NT5C2: variants seen among roughly 807,000 people sequenced by gnomAD.
The protein encoded by NT5C2 is cytosolic purine 5'-nucleotidase.
In NT5C2, 58 loss-of-function variants were observed where a neutral mutation model predicts 76.1. That is an observed-to-expected ratio of 0.76 (90% CI 0.62 to 0.95). The LOEUF (loss-of-function observed/expected upper bound fraction) is 0.95, where lower values mean the gene tolerates loss of function less well. Ranked by LOEUF, NT5C2 falls within the 40% of genes least tolerant of loss-of-function variation. NT5C2 has a pLI of 0.00. For synonymous variants in NT5C2, 229 were observed against 237.4 expected (o/e 0.96, Z 0.32); for missense variants, 478 against 690.3 (o/e 0.69, Z 3.45).
At chr10:103,142,769 G>A (rs981047965) in intron 3 of NT5C2, among the ~76,000 whole-genome samples, 1 of 152,150 alleles carries the variant, frequency 6.6e-6, no homozygotes, top group Non-Finnish European at 1.5e-5. Flanking sequence ...TGGATCACGA[G>A]GTCAGGAGTT....
chr10:103,193,054 G>C (rs1006484096), intron 1 of NT5C2, among the ~76,000 whole-genome samples, 182 bp downstream of exon 1: 14 of 151,248 alleles, frequency 9.3e-5, no homozygotes, highest in Non-Finnish European at 1.5e-4. Flanking sequence ...CGGCGTCCGC[G>C]AGCGCGCTGG....
intron 3 of NT5C2, among the ~76,000 whole-genome samples, chr10:103,156,859 C>T (rs966703731): frequency 4.0e-5 from 6 of 151,506 alleles, no homozygotes; most frequent in Admixed American, 4.0e-4. Context: ...AGATGGAGAC[C>T]ATCCTGGCTA....
chr10:103,163,710 T>TAAA (rs11440429), intron 3 of NT5C2, among the ~76,000 whole-genome samples: 37 of 143,390 alleles, frequency 2.6e-4, no homozygotes, highest in Admixed American at 1.2e-3. Flanking sequence ...ACTAAAAACT[T>TAAA]AAAAAAAAAA....
At chr10:103,144,079 C>A (rs1287700367) in intron 3 of NT5C2, among the ~76,000 whole-genome samples, 1 of 152,186 alleles carries the variant, frequency 6.6e-6, no homozygotes, top group Admixed American at 6.5e-5. Context: ...TTCCCAGTTA[C>A]ATAAATCCTT....
intron 3 of NT5C2, among the ~76,000 whole-genome samples, chr10:103,173,643 T>C (rs1157757969): frequency 6.6e-6 from 1 of 150,874 alleles, no homozygotes; most frequent in African/African-American, 2.4e-5. Flanking sequence ...AATTTCATTC[T>C]TGGCCGGGCG....
intron 3 of NT5C2, 146 bp downstream of exon 3, chr10:103,174,712 C>G: frequency 1.6e-6 from 1 of 608,464 alleles, no homozygotes; most frequent in Non-Finnish European, 3.0e-6. Flanking sequence ...AGTTAAAAGT[C>G]TCGACTTAGA....
intron 3 of NT5C2, among the ~76,000 whole-genome samples, chr10:103,159,489 G>T (rs1171873370): frequency 6.6e-6 from 1 of 151,524 alleles, no homozygotes; most frequent in Non-Finnish European, 1.5e-5. Context: ...CCACCAAAAA[G>T]AAAAAAATTT....
chr10:103,166,931 G>A (rs1181420554), intron 3 of NT5C2, among the ~76,000 whole-genome samples: 2 of 151,816 alleles, frequency 1.3e-5, no homozygotes, highest in Non-Finnish European at 2.9e-5. Flanking sequence ...AGTATTATAG[G>A]TGTAAGCCAC....
chr10:103,088,384 T>C lies in NT5C2; in HGVS notation c.*1288A>G, dbSNP rs2065954831. Reference sequence around the variant, plus strand: ...AACAAGAGGTGATTTCGACTTGGGATTGGGATTTTTATTTTTTGAGATGGA... The same window carrying C: ...AACAAGAGGTGATTTCGACTTGGGACTGGGATTTTTATTTTTTGAGATGGA... On this transcript the variant is annotated 3_prime_UTR_variant, in exon 19 of 19. Coordinates refer to ENST00000404739, the MANE Select transcript of NT5C2 (RefSeq NM_001351169.2). The C allele has an allele frequency of 1.3e-5, 2 of 152,158 alleles. No homozygotes were observed. The highest frequency in any genetic ancestry group is 2.4e-5 in the African/African-American group (1 of 41,436). 9.4% of individuals were successfully genotyped at this position (152,158 alleles called of 1,614,324 possible). A position where few individuals can be genotyped will look rare whatever the true frequency, so the allele number is the denominator to read the frequency against.
At chr10:103,115,222 GA>G (rs1441153351) in intron 4 of NT5C2, among the ~76,000 whole-genome samples, 1 of 152,228 alleles carries the variant, frequency 6.6e-6, no homozygotes, top group African/African-American at 2.4e-5. Flanking sequence ...GCAACACAGT[GA>G]AACCCCGTCT....
At chr10:103,165,408 G>A (rs2086115159) in intron 3 of NT5C2, among the ~76,000 whole-genome samples, 2 of 151,886 alleles carry the variant, frequency 1.3e-5, no homozygotes, top group East Asian at 2.0e-4. Flanking sequence ...CAGGAGAATC[G>A]CTTGAACCCA....
chr10:103,113,636 T>G (rs1272561974), intron 4 of NT5C2, among the ~76,000 whole-genome samples: 2 of 152,164 alleles, frequency 1.3e-5, no homozygotes, highest in Non-Finnish European at 2.9e-5. Context: ...TGTATGATCC[T>G]GGGCCGTGAA....
chr10:103,098,861 G>C, intron 10 of NT5C2, 70 bp downstream of exon 10: 1 of 1,059,406 alleles, frequency 9.4e-7, no homozygotes, highest in Non-Finnish European at 1.4e-6. Flanking sequence ...TTATAAATCA[G>C]CTTGTTATTA....
chr10:103,110,395 G>A (rs1363025781), intron 4 of NT5C2, among the ~76,000 whole-genome samples: 2 of 152,216 alleles, frequency 1.3e-5, no homozygotes, highest in Non-Finnish European at 2.9e-5. Flanking sequence ...GGCGGAGGTT[G>A]CAGTGATCCA....
chr10:103,145,653 T>C (rs1252485287), intron 3 of NT5C2, among the ~76,000 whole-genome samples: 1 of 152,196 alleles, frequency 6.6e-6, no homozygotes, highest in African/African-American at 2.4e-5. Flanking sequence ...ATGACTAAAC[T>C]AAGCATCCAA....
chr10:103,118,189 A>T (rs1290040974), intron 4 of NT5C2, among the ~76,000 whole-genome samples: 1 of 152,188 alleles, frequency 6.6e-6, no homozygotes, highest in Non-Finnish European at 1.5e-5. Context: ...CCTATATAAC[A>T]GTAGTCTTTA....
chr10:103,118,510 C>T (rs2074922638), intron 4 of NT5C2, among the ~76,000 whole-genome samples: 3 of 152,158 alleles, frequency 2.0e-5, no homozygotes, highest in South Asian at 2.1e-4. Flanking sequence ...ACGTGCACCA[C>T]GCTCAACTAA....
chr10:103,123,758 G>A (rs990904690), intron 4 of NT5C2, among the ~76,000 whole-genome samples: 7 of 152,032 alleles, frequency 4.6e-5, no homozygotes, highest in African/African-American at 1.7e-4. Flanking sequence ...CTAAAGTGCT[G>A]GAGCTGGAAA....
At chr10:103,132,485 T>C (rs2078385407) in intron 4 of NT5C2, among the ~76,000 whole-genome samples, 1 of 152,156 alleles carries the variant, frequency 6.6e-6, no homozygotes, top group Non-Finnish European at 1.5e-5. Flanking sequence ...GATGTTACCA[T>C]AGGAGAGGGG....
Sources: allele counts gnomAD v4.1 joint callset (sites outside exome capture counted in the v4.1 genomes callset), GRCh38; gene constraint gnomAD v4.1.1; transcripts MANE v1.5; gene names NCBI Gene and HGNC (gene_info 2026-07-23, HGNC 2026-07-21).